Variants in USP43 observed in about 807,000 individuals in gnomAD.
The protein encoded by USP43 is ubiquitin carboxyl-terminal hydrolase 43.
Under a neutral mutation model 90.7 loss-of-function variants are expected in USP43, and 33 were observed. That is an observed-to-expected ratio of 0.36 (90% CI 0.28 to 0.49). USP43 has a LOEUF of 0.49. USP43 is among the 20% of genes least tolerant of loss of function. The pLI is 0.98. For missense variants in USP43, 1,274 were observed against 1,476.4 expected (o/e 0.86, Z 2.25); for synonymous variants, 598 against 615.8 (o/e 0.97, Z 0.43).
intron 14 of USP43, 70 bp downstream of exon 14, chr17:9,712,202 A>T: frequency 6.9e-7 from 1 of 1,445,252 alleles, no homozygotes; most frequent in Admixed American, 2.5e-5. Context: ...TCAGTATGAA[A>T]GCGCTGTCAC....
chr17:9,690,034 C>T (rs990624361), intron 8 of USP43, among the ~76,000 whole-genome samples: 5 of 152,106 alleles, frequency 3.3e-5, no homozygotes, highest in East Asian at 1.9e-4. Context: ...TCTGGCTAGA[C>T]GTATGAGCTC....
At chr17:9,697,042 C>A (rs957215160) in intron 9 of USP43, among the ~76,000 whole-genome samples, 3 of 152,218 alleles carry the variant, frequency 2.0e-5, no homozygotes, top group Non-Finnish European at 2.9e-5. Context: ...CATGGTGAAA[C>A]CGCATTTCTA....
intron 1 of USP43, among the ~76,000 whole-genome samples, chr17:9,646,507 C>T (rs1231184093): frequency 1.3e-5 from 2 of 152,080 alleles, no homozygotes; most frequent in Non-Finnish European, 2.9e-5. Context: ...ATGTTGAAGG[C>T]CAAGGCCTCA....
Position 9,693,207 on chromosome 17 carries a change from C to T in USP43, c.1434C>T (p.Pro478=), listed in dbSNP as rs370402332. 6 of 1,613,166 alleles carry T rather than the reference C, an allele frequency of 3.7e-6. No homozygotes were observed. The highest frequency in any genetic ancestry group is 3.4e-6 in the Non-Finnish European group (4 of 1,179,666). ...ATTTGTCTCCGAAGGACAGTCGGCC[C>T]CTCTGTCACTGGGCAGTTGACAGGT... ...CSYLSPKDSR[P]LCHWAVDRVL... The change falls in exon 9 of 15, where the codon CCC becomes CCT. Residue 478 remains proline, a synonymous_variant. Transcript: ENST00000285199.
intron 14 of USP43, among the ~76,000 whole-genome samples, chr17:9,717,296 C>A (rs888808802): frequency 6.6e-6 from 1 of 151,470 alleles, no homozygotes; most frequent in Non-Finnish European, 1.5e-5. Flanking sequence ...TTGATCCTGT[C>A]CTTGGTGTCT....
chr17:9,679,374 TA>T (rs987374861), intron 5 of USP43, among the ~76,000 whole-genome samples: 30 of 151,414 alleles, frequency 2.0e-4, no homozygotes, highest in African/African-American at 6.8e-4. Context: ...GCTAATTTTT[TA>T]AAAAAATTGT....
intron 14 of USP43, among the ~76,000 whole-genome samples, chr17:9,715,429 G>C (rs973088860): frequency 2.6e-5 from 4 of 152,162 alleles, no homozygotes; most frequent in Non-Finnish European, 5.9e-5. Flanking sequence ...CTCCGGCCTG[G>C]GTGACAGAGT....
chr17:9,671,221 G>T (rs1337341791), intron 3 of USP43, among the ~76,000 whole-genome samples: 1 of 152,190 alleles, frequency 6.6e-6, no homozygotes, highest in African/African-American at 2.4e-5. Context: ...GTCTAAAAAT[G>T]TCTGCAAGTC....
chr17:9,708,915 C>A (rs1916034430), intron 12 of USP43, among the ~76,000 whole-genome samples: 1 of 152,166 alleles, frequency 6.6e-6, no homozygotes, highest in African/African-American at 2.4e-5. Context: ...GCATGAACCA[C>A]CACGCCCGGC....
At position 9,729,100 on chromosome 17, in the gene USP43, C is replaced by T. The variant is rs1442962069; in HGVS notation, c.*110C>T. 2 of 1,190,416 alleles carry T rather than the reference C, an allele frequency of 1.7e-6. No individual in the cohort carries two copies. The highest frequency in any genetic ancestry group is 2.8e-5 in the East Asian group (1 of 35,914). The allele number at this position is 1,190,416 out of a possible 1,614,324, so 73.7% of individuals were successfully genotyped here. On this transcript the variant is annotated 3_prime_UTR_variant, in exon 15 of 15. Transcript: ENST00000285199. ...CAGGAAACCCGTTGTCTTGTAATCTCTAAAAAAAAATTTTTTTTTTTTTGT... is the reference window on the plus strand; with the variant it reads ...CAGGAAACCCGTTGTCTTGTAATCTTTAAAAAAAAATTTTTTTTTTTTTGT...
At chr17:9,681,467 TATATATATATATATATATATA>T (rs2151976764) in intron 6 of USP43, among the ~76,000 whole-genome samples, 1 of 13,526 alleles carries the variant, frequency 7.4e-5, no homozygotes, top group South Asian at 3.7e-3. Flanking sequence ...ATATATTATA[TATATATATATATATATATATA>T]TATATATATA....
rs759323494 is a variant in USP43, at chr17:9,722,111, G to A, written c.2336-5843G>A. On this transcript the variant is annotated intron_variant, in intron 14 of 14. Transcript: ENST00000285199. Reference sequence around the variant, plus strand: ...ATCTTGTTAGCTGCTTTGTTACTAGGTGTCTACGGGTTTATGACTGTTAGA... The same window carrying A: ...ATCTTGTTAGCTGCTTTGTTACTAGATGTCTACGGGTTTATGACTGTTAGA... Among the ~76,000 whole-genome samples, 5 of 152,012 alleles carry A rather than the reference G, an allele frequency of 3.3e-5. No individual in the cohort carries two copies. In the South Asian group the frequency reaches 1.0e-3, roughly 32 times the overall value.
At chr17:9,723,038 T>C (rs1917048197) in intron 14 of USP43, among the ~76,000 whole-genome samples, 1 of 152,180 alleles carries the variant, frequency 6.6e-6, no homozygotes. Context: ...GTTCTCAAAA[T>C]CTTTGCCCAG....
intron 3 of USP43, among the ~76,000 whole-genome samples, chr17:9,667,346 C>A (rs993390831): frequency 1.3e-5 from 2 of 151,418 alleles, no homozygotes; most frequent in Non-Finnish European, 2.9e-5. Context: ...GAGCCGTGAT[C>A]GCACCACTGT....
chr17:9,723,646 C>T (rs1229188223), intron 14 of USP43, among the ~76,000 whole-genome samples: 4 of 148,330 alleles, frequency 2.7e-5, no homozygotes, highest in South Asian at 2.2e-4. Flanking sequence ...TGCAGTGGTA[C>T]GATCTTGGCT....
rs1314303370 is a variant in USP43, at chr17:9,729,250, A to AT, written c.*262dup. Reference sequence around the variant, plus strand: ...CACTAGAGGATGCTATTGGGTCAGTATTACCAGTTTCAGGGCAAGAACTGA... The same window carrying AT: ...CACTAGAGGATGCTATTGGGTCAGTATTTACCAGTTTCAGGGCAAGAACTGA... On this transcript the variant is annotated 3_prime_UTR_variant, in exon 15 of 15. Transcript: ENST00000285199. 1 of 297,384 alleles carries AT rather than the reference A, an allele frequency of 3.4e-6. No homozygotes were observed. The highest frequency in any genetic ancestry group is 2.2e-5 in the African/African-American group (1 of 46,394). The allele number at this position is 297,384 out of a possible 1,614,324, so 18.4% of individuals were successfully genotyped here.
intron 1 of USP43, among the ~76,000 whole-genome samples, chr17:9,650,547 C>T (rs1597809049): frequency 6.6e-6 from 1 of 152,088 alleles, no homozygotes; most frequent in Non-Finnish European, 1.5e-5. Flanking sequence ...GGATTACAGA[C>T]ATGCACCACC....
At chr17:9,723,979 T>C (rs1216828790) in intron 14 of USP43, among the ~76,000 whole-genome samples, 1 of 152,204 alleles carries the variant, frequency 6.6e-6, no homozygotes, top group Non-Finnish European at 1.5e-5. Flanking sequence ...TTCCTTGAGA[T>C]GCAAGTTTGT....
chr17:9,728,768 C>A lies in USP43; in HGVS notation c.3150C>A (p.Gly1050=). The change falls in exon 15 of 15, where the codon GGC becomes GGA. Residue 1050 remains glycine (G), a synonymous_variant. Transcript: ENST00000285199. This position sits in a 1 kb window ranked among gnomAD's most constrained non-coding sequence, Gnocchi z 6.2. The part of the protein sequence containing the change: ...GSPPALRIPE[G]LARGLGSRLE... Reference sequence around the variant, plus strand: ...CTCCTGCCCTCAGGATCCCAGAGGGCCTGGCCAGGGGCCTGGGCAGCCGGC... The same window carrying A: ...CTCCTGCCCTCAGGATCCCAGAGGGACTGGCCAGGGGCCTGGGCAGCCGGC... 1 of 1,606,696 alleles carries A rather than the reference C, an allele frequency of 6.2e-7. No homozygotes were observed. The highest frequency in any genetic ancestry group is 8.5e-7 in the Non-Finnish European group (1 of 1,176,380).
Sources: gnomAD v4.1 joint callset for allele counts (sites outside exome capture counted in the v4.1 genomes callset) on GRCh38, gnomAD v4.1.1 for gene constraint, Gnocchi (gnomAD v3.1) non-coding constraint, MANE v1.5 for transcripts, NCBI Gene and HGNC (gene_info 2026-07-23, HGNC 2026-07-21) for gene names.